RBMS3: variants seen among roughly 807,000 people sequenced by gnomAD.
RBMS3 encodes RNA-binding motif, single-stranded-interacting protein 3.
RBMS3 carries 27 observed loss-of-function variants against 66.8 expected under a neutral mutation model. That is an observed-to-expected ratio of 0.40 (90% CI 0.30 to 0.56). The LOEUF (loss-of-function observed/expected upper bound fraction) is 0.56, where lower values mean the gene tolerates loss of function less well. Among genes scored for constraint, RBMS3 ranks in the 20% least tolerant of loss-of-function variants. RBMS3 has a pLI of 0.40. For missense variants in RBMS3, 513 were observed against 549.5 expected, an observed-to-expected ratio of 0.93 and a Z score of 0.66; for synonymous variants, 188 against 183.0, an observed-to-expected ratio of 1.03 and a Z score of -0.22.
intron 1 of RBMS3, among the ~76,000 whole-genome samples, chr3:29,360,297 G>A (rs1177856141): frequency 1.3e-5 from 2 of 151,926 alleles, no homozygotes; most frequent in Admixed American, 6.5e-5. Flanking sequence ...CCTTCATTTC[G>A]TTATGTACCC....
At chr3:29,461,836 C>T (rs1356574423) in intron 2 of RBMS3, among the ~76,000 whole-genome samples, 2 of 151,356 alleles carry the variant, frequency 1.3e-5, no homozygotes, top group African/African-American at 2.4e-5. Flanking sequence ...TCACTGCAAG[C>T]TCCTCCTCCC....
At chr3:29,390,403 A>G (rs1311610651) in intron 1 of RBMS3, among the ~76,000 whole-genome samples, 1 of 152,224 alleles carries the variant, frequency 6.6e-6, no homozygotes, top group Non-Finnish European at 1.5e-5. Context: ...TAGTCAAATA[A>G]GCTGGGAAGG....
chr3:29,585,802 T>G (rs2047499436), intron 3 of RBMS3, among the ~76,000 whole-genome samples: 1 of 152,114 alleles, frequency 6.6e-6, no homozygotes. Context: ...AGAACAGGCT[T>G]CCTTTTGGAT....
chr3:29,862,367 G>A (rs903217711), intron 6 of RBMS3, among the ~76,000 whole-genome samples: 1 of 152,106 alleles, frequency 6.6e-6, no homozygotes, highest in African/African-American at 2.4e-5. Flanking sequence ...GCAAAATGCT[G>A]TTAAGTGTGC....
At chr3:29,782,925 G>T (rs939075560) in intron 6 of RBMS3, among the ~76,000 whole-genome samples, 1 of 151,986 alleles carries the variant, frequency 6.6e-6, no homozygotes, top group Non-Finnish European at 1.5e-5. Context: ...CCAAGTAGAA[G>T]AAAGAAATTC....
intron 4 of RBMS3, among the ~76,000 whole-genome samples, chr3:29,626,571 G>C (rs781681117): frequency 2.6e-5 from 4 of 152,096 alleles, no homozygotes; most frequent in Non-Finnish European, 5.9e-5. Flanking sequence ...TTTTTGGTCA[G>C]CATATGAATA....
At position 29,354,683 on chromosome 3, in the gene RBMS3, C is replaced by A. The variant is rs2037116560; in HGVS notation, c.75+72927C>A. On this transcript the variant is annotated intron_variant, in intron 1 of 14. Coordinates refer to ENST00000383767, the MANE Select transcript of RBMS3 (RefSeq NM_001003793.3). ...TTCAATATATGATACTACTACTAAA[C>A]AGTATCAGGCCCTGCGAACATGACA... Among the ~76,000 whole-genome samples, 5 of 152,134 alleles carry A rather than the reference C, an allele frequency of 3.3e-5. No homozygotes were observed. In the South Asian group the frequency reaches 1.0e-3, roughly 32 times the overall value.
intron 13 of RBMS3, among the ~76,000 whole-genome samples, chr3:29,988,637 G>A (rs910403681): frequency 6.6e-6 from 1 of 152,116 alleles, no homozygotes; most frequent in Admixed American, 6.5e-5. Flanking sequence ...TAGAAATGCA[G>A]ACTTGCTGGG....
intron 3 of RBMS3, among the ~76,000 whole-genome samples, chr3:29,579,216 A>G (rs953791612): frequency 6.6e-6 from 1 of 152,196 alleles, no homozygotes; most frequent in African/African-American, 2.4e-5. Context: ...ATAATGGTCT[A>G]TCCTCTAAAG....
intron 6 of RBMS3, among the ~76,000 whole-genome samples, chr3:29,824,141 T>C (rs937721878): frequency 8.3e-5 from 11 of 133,116 alleles, no homozygotes; most frequent in African/African-American, 3.0e-4. Context: ...GCCAAATTCA[T>C]GTGTTGAAAT....
intron 1 of RBMS3, among the ~76,000 whole-genome samples, chr3:29,424,572 T>C (rs1017005076): frequency 2.6e-5 from 4 of 152,194 alleles, no homozygotes; most frequent in Non-Finnish European, 4.4e-5. Flanking sequence ...GATTGGATTG[T>C]ATATGCTATT....
rs1231824558 is a variant in RBMS3, at chr3:30,008,492, A to G, written c.*4630A>G. ...TAAACCTGTCATAGAACCTTGATCT[A>G]TATTACTTTGTCTTCAGTAAAAAGT... On this transcript the variant is annotated 3_prime_UTR_variant, in exon 15 of 15. Transcript: ENST00000383767. 2 of 152,194 alleles carry G rather than the reference A, an allele frequency of 1.3e-5. No individual in the cohort carries two copies. The highest frequency in any genetic ancestry group is 6.5e-5 in the Admixed American group (1 of 15,282). The allele number at this position is 152,194 out of a possible 1,614,324, so 9.4% of individuals were successfully genotyped here. A position where few individuals can be genotyped will look rare whatever the true frequency, so the allele number is the denominator to read the frequency against.
intron 2 of RBMS3, among the ~76,000 whole-genome samples, chr3:29,435,836 A>C (rs368948083): frequency 6.6e-6 from 1 of 151,910 alleles, no homozygotes; most frequent in Non-Finnish European, 1.5e-5. Flanking sequence ...TTAGACGGGC[A>C]TGGTGGCGGG....
At chr3:29,899,885 T>TA in intron 10 of RBMS3, 130 bp downstream of exon 10, 2 of 806,624 alleles carry the variant, frequency 2.5e-6, no homozygotes, top group Non-Finnish European at 3.9e-6. Context: ...ATTCTCCAGA[T>TA]AAAAAGCTGT....
intron 4 of RBMS3, among the ~76,000 whole-genome samples, chr3:29,725,776 A>T (rs2053839215): frequency 6.6e-6 from 1 of 152,196 alleles, no homozygotes; most frequent in Non-Finnish European, 1.5e-5. Flanking sequence ...ATTCTACCAG[A>T]TGTACAAAGA....
At chr3:29,557,357 C>T (rs2149042137) in intron 3 of RBMS3, among the ~76,000 whole-genome samples, 1 of 152,304 alleles carries the variant, frequency 6.6e-6, no homozygotes, top group East Asian at 1.9e-4. Flanking sequence ...GTAGCCAAGG[C>T]ATCATGAGCA....
intron 6 of RBMS3, among the ~76,000 whole-genome samples, chr3:29,861,076 G>T (rs946225827): frequency 1.3e-5 from 2 of 152,092 alleles, no homozygotes; most frequent in Non-Finnish European, 2.9e-5. Context: ...TGTTAGCCAG[G>T]ATGTTCTCGA....
chr3:29,776,271 C>T (rs2056423430), intron 6 of RBMS3, among the ~76,000 whole-genome samples: 2 of 151,958 alleles, frequency 1.3e-5, no homozygotes, highest in African/African-American at 4.8e-5. Context: ...AGAATACCAC[C>T]TTTGCCTTTG....
At chr3:29,484,343 T>G (rs1231472652) in intron 2 of RBMS3, among the ~76,000 whole-genome samples, 1 of 152,204 alleles carries the variant, frequency 6.6e-6, no homozygotes, top group Non-Finnish European at 1.5e-5. Context: ...GATCAAGGTA[T>G]TGGCACCATT....
Sources: gnomAD v4.1 joint callset for allele counts (sites outside exome capture counted in the v4.1 genomes callset) on GRCh38, gnomAD v4.1.1 for gene constraint, MANE v1.5 for transcripts, NCBI Gene and HGNC (gene_info 2026-07-23, HGNC 2026-07-21) for gene names.